ZFHX3: variants seen among roughly 807,000 people sequenced by gnomAD.
The protein encoded by ZFHX3 is zinc finger homeobox protein 3.
ZFHX3 carries 42 observed loss-of-function variants against 279.1 expected under a neutral mutation model. That is an observed-to-expected ratio of 0.15 (90% CI 0.12 to 0.19). ZFHX3 has a LOEUF of 0.19. ZFHX3 is among the 10% of genes least tolerant of loss of function. The probability of loss-of-function intolerance (pLI) is 1.00; values close to 1 mark genes in which losing one functional copy is unlikely to be tolerated. For missense variants in ZFHX3, 4,981 were observed against 4,754.0 expected (o/e 1.05, Z -1.40); for synonymous variants, 2,293 against 1,957.8 (o/e 1.17, Z -4.52).
At chr16:72,891,758 T>C (rs1361043453) in intron 3 of ZFHX3, among the ~76,000 whole-genome samples, 1 of 152,130 alleles carries the variant, frequency 6.6e-6, no homozygotes, top group Non-Finnish European at 1.5e-5. Context: ...TGATTACGTG[T>C]CCTTCCTTTT....
intron 5 of ZFHX3, among the ~76,000 whole-genome samples, chr16:73,230,169 A>G (rs1220448081): frequency 6.6e-6 from 1 of 152,234 alleles, no homozygotes; most frequent in Admixed American, 6.5e-5. Context: ...AATAGTTGAT[A>G]TATAAATGAA....
chr16:73,646,466 AAAC>A (rs2052619200), intron 2 of ZFHX3, among the ~76,000 whole-genome samples: 1 of 152,182 alleles, frequency 6.6e-6, no homozygotes, highest in Non-Finnish European at 1.5e-5. Flanking sequence ...AGAGAAGAGA[AAAC>A]AATAATGATA....
chr16:73,216,791 T>G (rs2144916011), intron 5 of ZFHX3, among the ~76,000 whole-genome samples: 1 of 149,562 alleles, frequency 6.7e-6, no homozygotes, highest in Middle Eastern at 3.6e-3. Context: ...AAAAAAGGAC[T>G]CAAATATTAT....
chr16:73,354,579 AT>A (rs1454753939), intron 3 of ZFHX3, among the ~76,000 whole-genome samples: 2 of 152,168 alleles, frequency 1.3e-5, no homozygotes, highest in Admixed American at 6.5e-5. Context: ...GACCACGTGC[AT>A]TTGACCTCCT....
intron 1 of ZFHX3, among the ~76,000 whole-genome samples, chr16:73,865,931 C>T (rs1050230449): frequency 6.6e-6 from 1 of 151,900 alleles, no homozygotes; most frequent in Non-Finnish European, 1.5e-5. Context: ...CTTGCAGTGA[C>T]CCAAGATCGC....
intron 1 of ZFHX3, among the ~76,000 whole-genome samples, chr16:72,980,050 A>G (rs927247056): frequency 2.0e-5 from 3 of 152,222 alleles, no homozygotes; most frequent in Admixed American, 1.3e-4. Flanking sequence ...TTGTGGAGGT[A>G]ATAATGAGAA....
At chr16:73,100,673 G>C (rs1966220079) in intron 7 of ZFHX3, among the ~76,000 whole-genome samples, 1 of 150,920 alleles carries the variant, frequency 6.6e-6, no homozygotes, top group Non-Finnish European at 1.5e-5. Flanking sequence ...TCTGCCTCCT[G>C]GGTAATTTCC....
chr16:73,363,652 A>G (rs2016473460), intron 3 of ZFHX3, among the ~76,000 whole-genome samples: 1 of 152,196 alleles, frequency 6.6e-6, no homozygotes, highest in Non-Finnish European at 1.5e-5. Flanking sequence ...ATTATGCAAT[A>G]TTCTTAATTA....
chr16:73,358,748 T>C (rs1461075871), intron 3 of ZFHX3, among the ~76,000 whole-genome samples: 2 of 152,202 alleles, frequency 1.3e-5, no homozygotes, highest in Non-Finnish European at 2.9e-5. Context: ...TGTCCAGCTA[T>C]GGGAGGCACA....
intron 2 of ZFHX3, among the ~76,000 whole-genome samples, chr16:73,574,345 GC>G (rs5817853): frequency 3.3e-5 from 5 of 151,394 alleles, no homozygotes; most frequent in East Asian, 1.9e-4. Context: ...CATTTCTTGG[GC>G]CCCCCCCAGC....
At position 72,974,610 on chromosome 16, in the gene ZFHX3, C is replaced by T. The variant is rs572482069; in HGVS notation, c.-49-14416G>A. 4.2e-3 allele frequency among the ~76,000 whole-genome samples: 634 copies of T among 151,988 alleles called. 3 individuals are homozygous for T. Among genetic ancestry groups the T allele is most frequent in the Non-Finnish European group, 7.1e-3 (483 of 67,982 alleles). ...ACACACACACACACACACAGCCTCT[C>T]ACCAACACGGGCACAGCGAGTTCTT... On this transcript the variant is annotated intron_variant, in intron 1 of 9. Transcript: ENST00000268489.
At chr16:73,680,912 C>T (rs993245776) in intron 1 of ZFHX3, among the ~76,000 whole-genome samples, 9 of 152,232 alleles carry the variant, frequency 5.9e-5, no homozygotes, top group Non-Finnish European at 1.2e-4. Context: ...TTCCAGTGAG[C>T]AGGATCACAC....
At chr16:72,826,712 C>A (rs13339024) in intron 5 of ZFHX3, among the ~76,000 whole-genome samples, 4,683 of 152,240 alleles carry the variant, frequency 0.031, 258 homozygotes, top group African/African-American at 0.11. Context: ...TACTATTGTG[C>A]AGCTGGCAAG....
At chr16:72,894,880 G>A (rs1047654710) in intron 3 of ZFHX3, among the ~76,000 whole-genome samples, 4 of 152,150 alleles carry the variant, frequency 2.6e-5, no homozygotes, top group Admixed American at 2.0e-4. Flanking sequence ...GGGGAGGAGG[G>A]CAACCGGGTT....
At chr16:73,750,997 G>A (rs1021746953) in intron 1 of ZFHX3, among the ~76,000 whole-genome samples, 1 of 152,158 alleles carries the variant, frequency 6.6e-6, no homozygotes, top group African/African-American at 2.4e-5. Flanking sequence ...GCATTTTTCT[G>A]AGAAATATCT....
intron 3 of ZFHX3, among the ~76,000 whole-genome samples, chr16:72,919,777 CT>C (rs532405250): frequency 4.7e-4 from 20 of 42,290 alleles, no homozygotes; most frequent in Non-Finnish European, 6.2e-4. Flanking sequence ...TATGCACCAT[CT>C]TTTTTTTTTT....
intron 2 of ZFHX3, among the ~76,000 whole-genome samples, chr16:73,503,807 G>A (rs1404007251): frequency 6.6e-6 from 1 of 152,182 alleles, no homozygotes; most frequent in Non-Finnish European, 1.5e-5. Context: ...TTCACAATTG[G>A]CATTTTTTGG....
At chr16:73,446,814 T>C (rs972118642) in intron 3 of ZFHX3, among the ~76,000 whole-genome samples, 10 of 151,956 alleles carry the variant, frequency 6.6e-5, no homozygotes, top group Non-Finnish European at 1.5e-4. Context: ...GATGAAATAA[T>C]CTGTATAACA....
At chr16:72,843,096 C>T (rs183480991) in intron 4 of ZFHX3, among the ~76,000 whole-genome samples, 4 of 152,240 alleles carry the variant, frequency 2.6e-5, no homozygotes, top group South Asian at 2.1e-4. Flanking sequence ...GAAGGCTGTT[C>T]GCAAAAGCCT....
Sources: allele counts gnomAD v4.1 joint callset (sites outside exome capture counted in the v4.1 genomes callset), GRCh38; gene constraint gnomAD v4.1.1; transcripts MANE v1.5; gene names NCBI Gene and HGNC (gene_info 2026-07-23, HGNC 2026-07-21).